ROBO2: variants seen among roughly 807,000 people sequenced by gnomAD.
The protein encoded by ROBO2 is roundabout guidance receptor 2, also known as roundabout homolog 2.
Under a neutral mutation model 160.8 loss-of-function variants are expected in ROBO2, and 53 were observed. That is an observed-to-expected ratio of 0.33 (90% CI 0.26 to 0.41). The LOEUF is 0.41. ROBO2 is among the 10% of genes least tolerant of loss of function. ROBO2 has a pLI of 1.00. For missense variants in ROBO2, 1,577 were observed against 1,722.4 expected, an observed-to-expected ratio of 0.92 and a Z score of 1.49; for synonymous variants, 664 against 611.7, an observed-to-expected ratio of 1.09 and a Z score of -1.26.
intron 10 of ROBO2, 49 bp downstream of exon 11, chr3:77,562,781 C>T: frequency 1.6e-6 from 2 of 1,266,102 alleles, no homozygotes; most frequent in Non-Finnish European, 1.2e-6. Context: ...TTTCTGATAG[C>T]TCAATATCAA....
chr3:76,653,192 T>G (rs914055992), intron 2 of ROBO2, among the ~76,000 whole-genome samples: 1 of 152,006 alleles, frequency 6.6e-6, no homozygotes, highest in African/African-American at 2.4e-5. Context: ...GTATTATGTA[T>G]CAATTAATTC....
intron 2 of ROBO2, among the ~76,000 whole-genome samples, chr3:76,013,211 G>A (rs1031067917): frequency 1.4e-4 from 20 of 141,284 alleles, no homozygotes; most frequent in African/African-American, 5.4e-4. Flanking sequence ...AAGGCAATTG[G>A]TGACTGGTAC....
intron 2 of ROBO2, among the ~76,000 whole-genome samples, chr3:76,809,505 C>G (rs1348280713): frequency 2.0e-5 from 3 of 152,110 alleles, no homozygotes; most frequent in African/African-American, 7.2e-5. Flanking sequence ...GCGATTATAA[C>G]TTTTTAAATT....
intron 2 of ROBO2, among the ~76,000 whole-genome samples, chr3:76,248,399 C>T (rs1372493076): frequency 6.6e-6 from 1 of 150,880 alleles, no homozygotes; most frequent in Non-Finnish European, 1.5e-5. Context: ...GAACAAAAAA[C>T]CAAACACTGC....
intron 2 of ROBO2, among the ~76,000 whole-genome samples, chr3:75,986,921 T>C (rs539438497): frequency 1.3e-5 from 2 of 151,934 alleles, no homozygotes; most frequent in East Asian, 3.9e-4. Context: ...TTTTACTTCA[T>C]TGGCCTATAA....
chr3:77,547,112 G>C (rs947464200), intron 7 of ROBO2, among the ~76,000 whole-genome samples: 1 of 151,956 alleles, frequency 6.6e-6, no homozygotes, highest in Non-Finnish European at 1.5e-5. Flanking sequence ...TGGGCAACAT[G>C]GCCTCTCAGA....
chr3:76,169,185 C>A (rs1401051634), intron 2 of ROBO2, among the ~76,000 whole-genome samples: 1 of 152,244 alleles, frequency 6.6e-6, no homozygotes, highest in African/African-American at 2.4e-5. Flanking sequence ...TGGTTCATTT[C>A]TTCTTCCCAC....
intron 2 of ROBO2, among the ~76,000 whole-genome samples, chr3:76,817,670 C>T (rs1198620104): frequency 6.6e-6 from 1 of 151,956 alleles, no homozygotes; most frequent in Non-Finnish European, 1.5e-5. Flanking sequence ...CCTGAGTCCC[C>T]AAAGTCCATT....
At chr3:77,583,395 A>C (rs2093968774) in intron 16 of ROBO2, among the ~76,000 whole-genome samples, 3 of 151,704 alleles carry the variant, frequency 2.0e-5, no homozygotes, top group Admixed American at 1.3e-4. Flanking sequence ...CTAGTCTTCT[A>C]CTTGTTTGCA....
At chr3:76,587,992 C>A (rs1234206672) in intron 2 of ROBO2, among the ~76,000 whole-genome samples, 1 of 152,106 alleles carries the variant, frequency 6.6e-6, no homozygotes, top group African/African-American at 2.4e-5. Context: ...ATTTACTTCA[C>A]AGAGTTGTTG....
At chr3:75,946,442 G>T (rs1948295720) in intron 2 of ROBO2, among the ~76,000 whole-genome samples, 1 of 151,938 alleles carries the variant, frequency 6.6e-6, no homozygotes, top group Admixed American at 6.6e-5. Context: ...GAAAGAGGAA[G>T]AAGACATACA....
intron 2 of ROBO2, among the ~76,000 whole-genome samples, chr3:76,553,321 CAGGGAAGCTA>C (rs2083523803): frequency 6.6e-6 from 1 of 152,114 alleles, no homozygotes; most frequent in Non-Finnish European, 1.5e-5. Flanking sequence ...AGCGTGGAAT[CAGGGAAGCTA>C]AGGGAAGATG....
chr3:76,636,828 G>T (rs1391677907), intron 2 of ROBO2, among the ~76,000 whole-genome samples: 1 of 140,976 alleles, frequency 7.1e-6, no homozygotes, highest in African/African-American at 2.5e-5. Flanking sequence ...GACTCAGGTT[G>T]CTTCTAGGCA....
chr3:77,410,647 TCTC>T (rs1376951911), intron 2 of ROBO2, among the ~76,000 whole-genome samples: 20 of 19,198 alleles, frequency 1.0e-3, no homozygotes, highest in Non-Finnish European at 2.0e-3. Flanking sequence ...TGCTCCTCTT[TCTC>T]CTCCTCTTCT....
chr3:76,606,889 G>A (rs1478370000), intron 2 of ROBO2, among the ~76,000 whole-genome samples: 1 of 151,810 alleles, frequency 6.6e-6, no homozygotes, highest in Non-Finnish European at 1.5e-5. Context: ...TCATTATGGT[G>A]TGTATTTTGA....
chr3:76,960,626 A>C (rs1241107950), intron 2 of ROBO2, among the ~76,000 whole-genome samples: 1 of 152,144 alleles, frequency 6.6e-6, no homozygotes, highest in African/African-American at 2.4e-5. Flanking sequence ...GAAACCTCAC[A>C]CCAAACTGAA....
chr3:77,539,634 A>G (rs113855460), intron 6 of ROBO2, among the ~76,000 whole-genome samples: 14 of 152,294 alleles, frequency 9.2e-5, no homozygotes, highest in African/African-American at 2.9e-4. Context: ...TTTAAAATGT[A>G]CTATTCCGAG....
At chr3:77,057,539 G>A (rs924071700) in intron 1 of ROBO2, among the ~76,000 whole-genome samples, 2 of 148,332 alleles carry the variant, frequency 1.3e-5, no homozygotes, top group Non-Finnish European at 3.0e-5. Context: ...AATTACTAAT[G>A]TGGAAGCTAT....
At chr3:76,863,333 G>T (rs1331834297) in intron 2 of ROBO2, among the ~76,000 whole-genome samples, 1 of 151,624 alleles carries the variant, frequency 6.6e-6, no homozygotes, top group Admixed American at 6.6e-5. Context: ...TTAAGTTGTT[G>T]GTTGTTGGTT....
Sources: allele counts gnomAD v4.1 joint callset (sites outside exome capture counted in the v4.1 genomes callset), GRCh38; gene constraint gnomAD v4.1.1; transcripts MANE v1.5; gene names NCBI Gene and HGNC (gene_info 2026-07-23, HGNC 2026-07-21).